Variants in DST observed in about 807,000 individuals in gnomAD.
The protein encoded by DST is dystonin, also known as bullous pemphigoid antigen.
DST carries 253 observed loss-of-function variants against 875.2 expected under a neutral mutation model. The observed-to-expected ratio is 0.29, with a 90% confidence interval of 0.26 to 0.32. DST has a LOEUF of 0.32. Among genes scored for constraint, DST ranks in the 10% least tolerant of loss-of-function variants. The pLI is 1.00. For missense variants in DST, 8,287 were observed against 9,111.6 expected, an observed-to-expected ratio of 0.91 and a Z score of 3.68; for synonymous variants, 3,124 against 3,197.1, an observed-to-expected ratio of 0.98 and a Z score of 0.77.
intron 55 of DST, among the ~76,000 whole-genome samples, chr6:56,565,559 A>G (rs747608167): frequency 6.6e-6 from 1 of 152,014 alleles, no homozygotes; most frequent in African/African-American, 2.4e-5. Context: ...TTACTACCTC[A>G]ATTTCAGAAC....
intron 4 of DST, among the ~76,000 whole-genome samples, chr6:56,813,814 A>C (rs186555829): frequency 5.3e-5 from 8 of 152,302 alleles, no homozygotes; most frequent in African/African-American, 1.7e-4. Context: ...CCTTCTGTGG[A>C]AATTTTTCTA....
At chr6:56,673,149 C>T (rs533947882) in intron 9 of DST, among the ~76,000 whole-genome samples, 62 of 151,956 alleles carry the variant, frequency 4.1e-4, no homozygotes, top group Non-Finnish European at 7.9e-4. Flanking sequence ...AGCTACTAGC[C>T]GAGGCAGATC....
At chr6:56,895,913 A>G (rs1180009271) in intron 3 of DST, among the ~76,000 whole-genome samples, 1 of 41,066 alleles carries the variant, frequency 2.4e-5, no homozygotes, top group Non-Finnish European at 4.3e-5. Context: ...GGCACTCGGC[A>G]GGCTGAGGCA....
intron 4 of DST, among the ~76,000 whole-genome samples, chr6:56,782,592 C>T (rs2099696393): frequency 1.3e-5 from 2 of 152,108 alleles, no homozygotes; most frequent in South Asian, 2.1e-4. Context: ...TTTTTTATTG[C>T]ATCTATTTGA....
rs368341671 is a variant in DST, at chr6:56,563,240, C to T, written c.14006-1040G>A. Among the ~76,000 whole-genome samples, 94 of 152,280 alleles carry T rather than the reference C, an allele frequency of 6.2e-4. 1 individual carries two copies. In the East Asian group the frequency reaches 7.7e-3, roughly 13 times the overall value. The stretch of plus-strand genomic sequence containing the variant: ...TGTTCCTATTTCTCCACATCCTCTC[C>T]GGCATCTGTTGTTTCCTGACTTTTT... On this transcript the variant is annotated intron_variant, in intron 55 of 103. Transcript: ENST00000680361.
Position 56,597,754 on chromosome 6 carries a change from A to G in DST, c.12181T>C (p.Tyr4061His). The G allele has an allele frequency of 1.2e-6, 2 of 1,613,538 alleles. No homozygotes were observed. The highest frequency in any genetic ancestry group is 2.2e-5 in the East Asian group (1 of 44,872). The change falls in exon 47 of 104, where the codon TAT becomes CAT. Residue 4061 changes from tyrosine to histidine, a missense_variant. This residue lies in a region of DST where 1,513 missense variants were observed against 1,677.8 expected (regional missense o/e 0.90). Coordinates refer to ENST00000680361, the MANE Select transcript of DST (RefSeq NM_001374736.1). ...TAACAACACACCTTAACTTTCTGAT[A>G]TTGCTGATTCAGATTCTCCTGAGTG... ...GTTQENLNQQ[Y>H]QKVKAQHEKI...
chr6:56,934,663 T>C lies in DST; in HGVS notation c.216+19122A>G, dbSNP rs143692660. Among the ~76,000 whole-genome samples, 106 of 147,702 alleles carry C rather than the reference T, an allele frequency of 7.2e-4. 1 individual carries two copies. The East Asian group carries it at 0.02, about 27-fold the overall frequency. ...GAGAGAGAGAATTAAGGCACACTAATGTCTCCATCACCAAAATGGAGAGAT... is the reference window on the plus strand; with the variant it reads ...GAGAGAGAGAATTAAGGCACACTAACGTCTCCATCACCAAAATGGAGAGAT... On this transcript the variant is annotated intron_variant, in intron 2 of 103. Transcript: ENST00000680361.
intron 56 of DST, among the ~76,000 whole-genome samples, 171 bp downstream of exon 56, chr6:56,561,967 C>CA (rs1018985653): frequency 2.8e-4 from 42 of 151,824 alleles, no homozygotes; most frequent in African/African-American, 1.0e-3. Flanking sequence ...CACAAAACTG[C>CA]AAAAAATGTT....
chr6:56,555,885 T>G (rs1051817332), intron 59 of DST, 45 bp from the exon 60 acceptor site: 4 of 1,413,130 alleles, frequency 2.8e-6, no homozygotes, highest in Non-Finnish European at 3.7e-6. Flanking sequence ...ATATAATTGA[T>G]TGTAGAAAAC....
intron 4 of DST, chr6:56,843,167 G>T: frequency 6.5e-7 from 1 of 1,546,910 alleles, no homozygotes; most frequent in South Asian, 1.3e-5. Flanking sequence ...TCTAAGCGAT[G>T]ACTGACAAAT....
chr6:56,622,204 G>A (rs2098695801), intron 36 of DST, among the ~76,000 whole-genome samples: 1 of 152,084 alleles, frequency 6.6e-6, no homozygotes, highest in Non-Finnish European at 1.5e-5. Context: ...CTCAGATTTA[G>A]AAAAACTAAA....
intron 9 of DST, among the ~76,000 whole-genome samples, chr6:56,681,895 T>C (rs750540453): frequency 6.6e-6 from 1 of 152,214 alleles, no homozygotes; most frequent in African/African-American, 2.4e-5. Context: ...ACAGTGGACA[T>C]GCAGCCCCCA....
At chr6:56,741,247 A>C (rs1478807175) in intron 4 of DST, among the ~76,000 whole-genome samples, 5 of 152,198 alleles carry the variant, frequency 3.3e-5, no homozygotes, top group Non-Finnish European at 5.9e-5. Flanking sequence ...GTTGTGCTAG[A>C]TGCTCAAAAG....
At chr6:56,935,370 C>A (rs985437777) in intron 2 of DST, among the ~76,000 whole-genome samples, 2 of 152,362 alleles carry the variant, frequency 1.3e-5, no homozygotes, top group Admixed American at 6.5e-5. Context: ...CTGCCTGCTG[C>A]GTGCAGCTCA....
At chr6:56,786,128 G>A (rs2099704928) in intron 4 of DST, among the ~76,000 whole-genome samples, 1 of 152,134 alleles carries the variant, frequency 6.6e-6, no homozygotes, top group African/African-American at 2.4e-5. Flanking sequence ...ATGTGCACGT[G>A]TGCATATATG....
intron 4 of DST, among the ~76,000 whole-genome samples, chr6:56,749,360 A>G (rs77894021): frequency 0.032 from 4,937 of 152,188 alleles, 225 homozygotes; most frequent in African/African-American, 0.11. Context: ...TCTCAAAAAA[A>G]TAAAAAATAA....
intron 10 of DST, among the ~76,000 whole-genome samples, chr6:56,664,877 C>T (rs947119250): frequency 6.6e-6 from 1 of 152,072 alleles, no homozygotes; most frequent in Non-Finnish European, 1.5e-5. Flanking sequence ...GAAAACTGAA[C>T]ATAACACACA....
intron 80 of DST, among the ~76,000 whole-genome samples, chr6:56,500,712 T>C (rs1388411383): frequency 6.6e-6 from 1 of 152,168 alleles, no homozygotes; most frequent in Non-Finnish European, 1.5e-5. Context: ...TTTCAGCCTA[T>C]GATTTTTTAG....
At position 56,472,082 on chromosome 6, in the gene DST, CATT is replaced by C; in HGVS notation, c.22132_22134del (p.Asn7378del). ...ACCTCCTCTAGTCTGTCCAAGGCAT[CATT>C]GAGTTTCCTCCTTCTTTCCAACGCC... On this transcript the variant is annotated inframe_deletion, in exon 94 of 104. Coordinates refer to ENST00000680361, the MANE Select transcript of DST (RefSeq NM_001374736.1). The C allele has an allele frequency of 6.2e-7, 1 of 1,613,936 alleles. No individual in the cohort carries two copies. Among genetic ancestry groups the C allele is most frequent in the East Asian group, 2.2e-5 (1 of 44,886 alleles).
Sources: allele counts gnomAD v4.1 joint callset (sites outside exome capture counted in the v4.1 genomes callset), GRCh38; gene constraint gnomAD v4.1.1; regional missense constraint gnomAD v4.1.1; transcripts MANE v1.5; gene names NCBI Gene and HGNC (gene_info 2026-07-23, HGNC 2026-07-21).